Variants in CSNK1A1 observed in about 807,000 individuals in gnomAD.
CSNK1A1 encodes casein kinase 1 alpha 1.
In CSNK1A1, 7 loss-of-function variants were observed where a neutral mutation model predicts 46.1. The ratio of observed to expected loss-of-function variants is 0.15; its 90% CI spans 0.09 to 0.29. The LOEUF (loss-of-function observed/expected upper bound fraction) is 0.29. Among genes scored for constraint, CSNK1A1 ranks in the 10% least tolerant of loss-of-function variants. CSNK1A1 has a pLI of 1.00. For missense variants in CSNK1A1, 96 were observed against 417.1 expected, an observed-to-expected ratio of 0.23 and a Z score of 6.71; for synonymous variants, 137 against 141.5, an observed-to-expected ratio of 0.97 and a Z score of 0.23.
chr5:149,496,521 T>C lies in CSNK1A1; in HGVS notation c.*332A>G. 3.0e-6 allele frequency: 1 copy of C among 335,722 alleles called. No homozygotes were observed. The allele number at this position is 335,722 out of a possible 1,614,324, so 20.8% of individuals were successfully genotyped here. A position where few individuals can be genotyped will look rare whatever the true frequency, so the allele number is the denominator to read the frequency against. On this transcript the variant is annotated 3_prime_UTR_variant, in exon 10 of 10. Transcript: ENST00000377843. ...CAGTATAGTTCAAAACAAAAGGTTT[T>C]AACAAAAAATTGGCATATGCACAAT...
intron 9 of CSNK1A1, chr5:149,498,894 A>G (rs1483458574): frequency 1.0e-6 from 1 of 985,338 alleles, no homozygotes; most frequent in Non-Finnish European, 1.2e-6. Flanking sequence ...GTATCTGTAC[A>G]TCTTTTGACC....
At chr5:149,539,646 C>T (rs1762171048) in intron 2 of CSNK1A1, among the ~76,000 whole-genome samples, 1 of 151,836 alleles carries the variant, frequency 6.6e-6, no homozygotes, top group South Asian at 2.1e-4. Context: ...ACCTGGGGAG[C>T]TTTTAAAAAT....
intron 9 of CSNK1A1, chr5:149,502,648 A>C: frequency 1.0e-6 from 1 of 978,224 alleles, no homozygotes; most frequent in African/African-American, 1.8e-5. Context: ...GTGTTGGAAT[A>C]ACAGGCATGA....
intron 9 of CSNK1A1, chr5:149,501,738 T>G (rs1760863282): frequency 5.1e-6 from 5 of 985,314 alleles, no homozygotes; most frequent in Non-Finnish European, 6.0e-6. Flanking sequence ...CACCTCTGCC[T>G]GCCCTCAATT....
At chr5:149,507,637 A>C (rs961983327) in intron 7 of CSNK1A1, among the ~76,000 whole-genome samples, 1 of 151,742 alleles carries the variant, frequency 6.6e-6, no homozygotes, top group Non-Finnish European at 1.5e-5. Context: ...AATTTTTTGT[A>C]TTTTTTAGTA....
At chr5:149,510,107 A>T (rs1416035928) in intron 6 of CSNK1A1, among the ~76,000 whole-genome samples, 154 bp from the exon 7 acceptor site, 1 of 152,240 alleles carries the variant, frequency 6.6e-6, no homozygotes, top group African/African-American at 2.4e-5. Context: ...CATCTAAAAA[A>T]AATTTTTCCC....
At chr5:149,505,417 T>A (rs1760992300) in intron 9 of CSNK1A1, 30 bp downstream of exon 9, 1 of 1,597,438 alleles carries the variant, frequency 6.3e-7, no homozygotes, top group Non-Finnish European at 8.6e-7. Flanking sequence ...ATTTTTTCCC[T>A]GTAACGTCAC....
At chr5:149,505,084 T>G in intron 9 of CSNK1A1, 9 of 994,996 alleles carry the variant, frequency 9.0e-6, no homozygotes, top group Non-Finnish European at 9.6e-6. Flanking sequence ...CAACAAGTGT[T>G]AGGTCTAGGA....
intron 2 of CSNK1A1, among the ~76,000 whole-genome samples, chr5:149,547,952 CCTCCGA>C (rs1762531865): frequency 6.6e-6 from 1 of 151,964 alleles, no homozygotes; most frequent in Admixed American, 6.6e-5. Flanking sequence ...CTTACTGCAA[CCTCCGA>C]CTCCCGGGTT....
intron 2 of CSNK1A1, among the ~76,000 whole-genome samples, chr5:149,541,483 C>G (rs1414652726): frequency 1.3e-5 from 2 of 151,970 alleles, no homozygotes; most frequent in Non-Finnish European, 2.9e-5. Context: ...TAAGAGCCAT[C>G]TGAGATTGAA....
chr5:149,538,709 G>C (rs1273238120), intron 2 of CSNK1A1, among the ~76,000 whole-genome samples: 1 of 152,120 alleles, frequency 6.6e-6, no homozygotes, highest in African/African-American at 2.4e-5. Flanking sequence ...GATCACTTGA[G>C]ACCAGGAGTT....
chr5:149,545,612 TG>T, intron 2 of CSNK1A1: 1 of 852,762 alleles, frequency 1.2e-6, no homozygotes, highest in Non-Finnish European at 1.9e-6. Flanking sequence ...TTAACCTCCT[TG>T]GGCTTTACGA....
In CSNK1A1 at chr5:149,521,615, A is replaced by AT. The variant is rs879396057; in HGVS notation, c.358-1228dup. Reference sequence around the variant, plus strand: ...ATTTAGAAGTAATCCTTCCATGAGGATTTTTTTTTTTTTTTGAGACAGAGT... The same window carrying AT: ...ATTTAGAAGTAATCCTTCCATGAGGATTTTTTTTTTTTTTTTGAGACAGAGT... On this transcript the variant is annotated intron_variant, in intron 3 of 9. Transcript: ENST00000377843. 2.3e-3 allele frequency among the ~76,000 whole-genome samples: 311 copies of AT among 136,492 alleles called. 3 individuals carry two copies. The highest frequency in any genetic ancestry group is 4.7e-3 in the East Asian group (22 of 4,662). The allele number at this position is 136,492 out of a possible 152,430, so 89.5% of individuals were successfully genotyped here.
chr5:149,550,714 T>C lies in CSNK1A1; in HGVS notation c.123+128A>G, dbSNP rs1762630891. ...GACGAGGTTCGTAAGCCAGGAAAACTAGCTCCCTGGACTCCCTGGCGAGTG... is the reference window on the plus strand; with the variant it reads ...GACGAGGTTCGTAAGCCAGGAAAACCAGCTCCCTGGACTCCCTGGCGAGTG... On this transcript the variant is annotated intron_variant, in intron 1 of 9. Coordinates refer to ENST00000377843, the MANE Select transcript of CSNK1A1 (RefSeq NM_001892.6). This position sits in a 1 kb window ranked among gnomAD's most constrained non-coding sequence, Gnocchi z 4.3. 1 of 1,328,864 alleles carries C rather than the reference T, an allele frequency of 7.5e-7. No individual in the cohort carries two copies. Among genetic ancestry groups the C allele is most frequent in the Admixed American group, 2.5e-5 (1 of 40,400 alleles). The allele number at this position is 1,328,864 out of a possible 1,614,324, so 82.3% of individuals were successfully genotyped here. A position where few individuals can be genotyped will look rare whatever the true frequency, so the allele number is the denominator to read the frequency against.
chr5:149,495,200 A>C lies in CSNK1A1; in HGVS notation c.*1653T>G, dbSNP rs1760617103. ...TAATCATGGAATTAATTATTGCTAA[A>C]GTAGTTTTCAAATAAAAAAAAGAAA... On this transcript the variant is annotated 3_prime_UTR_variant, in exon 10 of 10. Transcript: ENST00000377843. 1 of 152,216 alleles carries C rather than the reference A, an allele frequency of 6.6e-6. No homozygotes were observed. The highest frequency in any genetic ancestry group is 2.4e-5 in the African/African-American group (1 of 41,456). 9.4% of individuals were successfully genotyped at this position (152,216 alleles called of 1,614,324 possible). A position where few individuals can be genotyped will look rare whatever the true frequency, so the allele number is the denominator to read the frequency against.
chr5:149,549,676 T>G (rs967889946), intron 2 of CSNK1A1, among the ~76,000 whole-genome samples: 11 of 152,136 alleles, frequency 7.2e-5, no homozygotes, highest in Non-Finnish European at 1.5e-5. Flanking sequence ...CCAGCTCCAA[T>G]AGCAACTCGA....
rs772663913 is a variant in CSNK1A1, at chr5:149,525,186, G to A, written c.231-15C>T. The A allele has an allele frequency of 1.3e-6, 2 of 1,584,130 alleles. No individual in the cohort carries two copies. Among genetic ancestry groups the A allele is most frequent in the Admixed American group, 1.9e-5 (1 of 52,624 alleles). On this transcript the variant is annotated splice_polypyrimidine_tract_variant and intron_variant, in intron 2 of 9. Coordinates refer to ENST00000377843, the MANE Select transcript of CSNK1A1 (RefSeq NM_001892.6). This position sits in a 1 kb window ranked among gnomAD's most constrained non-coding sequence, Gnocchi z 4.2. The stretch of plus-strand genomic sequence containing the variant: ...GACCATACCACCTAACGAAACAAAA[G>A]GAGAAGAGAGGATATTACAAAAAGC...
intron 2 of CSNK1A1, among the ~76,000 whole-genome samples, chr5:149,542,822 A>C (rs1321496722): frequency 1.4e-5 from 2 of 147,358 alleles, no homozygotes; most frequent in Non-Finnish European, 3.0e-5. Flanking sequence ...CAGCCTCCCA[A>C]GTAGCTGGGA....
intron 2 of CSNK1A1, among the ~76,000 whole-genome samples, chr5:149,542,209 G>A (rs1283780639): frequency 2.0e-5 from 3 of 151,868 alleles, no homozygotes; most frequent in Admixed American, 2.0e-4. Context: ...GAGGGATCTA[G>A]GTTGTGCATT....
Sources: gnomAD v4.1 joint callset for allele counts (sites outside exome capture counted in the v4.1 genomes callset) on GRCh38, gnomAD v4.1.1 for gene constraint, Gnocchi (gnomAD v3.1) non-coding constraint, MANE v1.5 for transcripts, NCBI Gene and HGNC (gene_info 2026-07-23, HGNC 2026-07-21) for gene names.